XKR6: variants seen among roughly 807,000 people sequenced by gnomAD.
XKR6 encodes XK related 6, also known as XK-related protein 6.
XKR6 carries 22 observed loss-of-function variants against 56.7 expected under a neutral mutation model. That is an observed-to-expected ratio of 0.39 (90% CI 0.28 to 0.55). XKR6 has a LOEUF of 0.55. Among genes scored for constraint, XKR6 ranks in the 20% least tolerant of loss-of-function variants. XKR6 has a pLI of 0.66. For missense variants in XKR6, 852 were observed against 889.0 expected, an observed-to-expected ratio of 0.96 and a Z score of 0.53; for synonymous variants, 524 against 387.8, an observed-to-expected ratio of 1.35 and a Z score of -4.13.
intron 1 of XKR6, among the ~76,000 whole-genome samples, chr8:11,080,162 C>T (rs566337834): frequency 3.1e-4 from 47 of 151,950 alleles, no homozygotes; most frequent in African/African-American, 1.1e-3. Flanking sequence ...AACACACCCA[C>T]TTGAATTTTC....
chr8:10,964,812 G>C (rs954344358), intron 1 of XKR6, among the ~76,000 whole-genome samples: 1 of 152,196 alleles, frequency 6.6e-6, no homozygotes, highest in Non-Finnish European at 1.5e-5. Context: ...CACACGGAAT[G>C]AGTCCTGGGC....
At chr8:11,091,578 A>C (rs973611840) in intron 1 of XKR6, among the ~76,000 whole-genome samples, 2 of 152,204 alleles carry the variant, frequency 1.3e-5, no homozygotes, top group Non-Finnish European at 2.9e-5. Context: ...TAGGGGGTCC[A>C]ATGGTACCAT....
intron 1 of XKR6, among the ~76,000 whole-genome samples, chr8:11,122,112 G>A (rs546125856): frequency 2.6e-5 from 4 of 152,266 alleles, no homozygotes; most frequent in Admixed American, 1.3e-4. Flanking sequence ...CAGACACAAG[G>A]CCAATCCAGA....
chr8:10,911,508 G>GTA (rs1266864516), intron 2 of XKR6, among the ~76,000 whole-genome samples: 17 of 146,482 alleles, frequency 1.2e-4, no homozygotes, highest in South Asian at 8.7e-4. Flanking sequence ...GGGTGAGATT[G>GTA]TATATATATA....
chr8:11,022,275 G>T (rs1037283051), intron 1 of XKR6, among the ~76,000 whole-genome samples: 5 of 152,006 alleles, frequency 3.3e-5, no homozygotes, highest in African/African-American at 4.8e-5. Context: ...GCATCCCTGG[G>T]AAAGGTGCAT....
intron 1 of XKR6, among the ~76,000 whole-genome samples, chr8:11,056,339 C>T (rs1469736409): frequency 2.6e-5 from 4 of 152,238 alleles, no homozygotes; most frequent in Admixed American, 2.0e-4. Context: ...TTCCCATCTC[C>T]TTCCCTTCTC....
intron 1 of XKR6, among the ~76,000 whole-genome samples, chr8:10,954,631 C>T (rs1801819575): frequency 6.6e-6 from 1 of 152,084 alleles, no homozygotes. Context: ...CTGATGGTGT[C>T]CTCTGAAGCA....
intron 1 of XKR6, among the ~76,000 whole-genome samples, chr8:11,074,442 C>T (rs1052157740): frequency 3.3e-5 from 5 of 152,178 alleles, no homozygotes; most frequent in African/African-American, 1.2e-4. Flanking sequence ...AGGCTCTGGC[C>T]TCATGTTTCA....
Position 11,200,943 on chromosome 8 carries a change from C to A in XKR6, c.397G>T (p.Val133Leu). The change falls in exon 1 of 3, where the codon GTG becomes TTG. Residue 133 changes from valine (V) to leucine (L), a missense_variant. Coordinates refer to ENST00000416569, the MANE Select transcript of XKR6 (RefSeq NM_173683.4). This position sits in a 1 kb window ranked among gnomAD's most constrained non-coding sequence, Gnocchi z 6.4. ...ERPWLDCLWI[V>L]LALLVFFGDV... ...CCGAAGAACACCAGCAGCGCCAGCA[C>A]GATCCACAGGCAGTCGAGCCACGGC... The A allele has an allele frequency of 6.2e-7, 1 of 1,602,744 alleles. No homozygotes were observed. Among genetic ancestry groups the A allele is most frequent in the Non-Finnish European group, 8.5e-7 (1 of 1,177,786 alleles).
At chr8:11,143,480 C>G (rs1253633119) in intron 1 of XKR6, among the ~76,000 whole-genome samples, 1 of 152,208 alleles carries the variant, frequency 6.6e-6, no homozygotes, top group Non-Finnish European at 1.5e-5. Flanking sequence ...TTGAATTACA[C>G]CAGCAGAGCG....
chr8:10,977,061 G>C (rs1802589363), intron 1 of XKR6, among the ~76,000 whole-genome samples: 1 of 152,126 alleles, frequency 6.6e-6, no homozygotes, highest in Non-Finnish European at 1.5e-5. Flanking sequence ...AAAAAGGCCA[G>C]GTGACATGCC....
chr8:11,146,937 C>CA (rs1376235519), intron 1 of XKR6, among the ~76,000 whole-genome samples: 1 of 151,898 alleles, frequency 6.6e-6, no homozygotes, highest in Non-Finnish European at 1.5e-5. Flanking sequence ...CTCACAGAAA[C>CA]AGAGTAGAAT....
At chr8:10,994,250 T>A (rs986604251) in intron 1 of XKR6, among the ~76,000 whole-genome samples, 2 of 152,208 alleles carry the variant, frequency 1.3e-5, no homozygotes, top group African/African-American at 4.8e-5. Flanking sequence ...TTCGTGCACC[T>A]TCAGACCCTC....
At chr8:11,006,667 A>G (rs1798376049) in intron 1 of XKR6, among the ~76,000 whole-genome samples, 1 of 152,132 alleles carries the variant, frequency 6.6e-6, no homozygotes, top group Admixed American at 6.5e-5. Context: ...AGCAGAGGGA[A>G]TAGCATGTGC....
intron 1 of XKR6, among the ~76,000 whole-genome samples, chr8:11,118,418 T>G (rs1217387066): frequency 6.6e-6 from 1 of 152,204 alleles, no homozygotes; most frequent in Non-Finnish European, 1.5e-5. Context: ...GTAGAATTCA[T>G]CTGTGAAACC....
At chr8:10,979,073 T>G (rs1797665258) in intron 1 of XKR6, among the ~76,000 whole-genome samples, 1 of 151,992 alleles carries the variant, frequency 6.6e-6, no homozygotes, top group Admixed American at 6.6e-5. Context: ...AGGGACCCAA[T>G]CCCATCTTCA....
intron 1 of XKR6, among the ~76,000 whole-genome samples, chr8:11,160,558 C>T (rs907919647): frequency 1.3e-5 from 2 of 152,206 alleles, no homozygotes; most frequent in South Asian, 2.1e-4. Context: ...TCAGATAAAG[C>T]GAGGAAAGGC....
At chr8:11,120,384 C>T (rs929810911) in intron 1 of XKR6, among the ~76,000 whole-genome samples, 2 of 152,170 alleles carry the variant, frequency 1.3e-5, no homozygotes, top group African/African-American at 4.8e-5. Flanking sequence ...CATTCTTATA[C>T]ACCAATAACA....
chr8:11,056,781 G>A (rs910574944), intron 1 of XKR6, among the ~76,000 whole-genome samples: 4 of 152,202 alleles, frequency 2.6e-5, no homozygotes, highest in African/African-American at 4.8e-5. Context: ...CCTTTTCCAT[G>A]TCTTGCAGTC....
Sources: allele counts gnomAD v4.1 joint callset (sites outside exome capture counted in the v4.1 genomes callset), GRCh38; gene constraint gnomAD v4.1.1; non-coding constraint Gnocchi (gnomAD v3.1); transcripts MANE v1.5; gene names NCBI Gene and HGNC (gene_info 2026-07-23, HGNC 2026-07-21).